LRRC75A: variants seen among roughly 807,000 people sequenced by gnomAD.
The protein encoded by LRRC75A is leucine-rich repeat-containing protein 75A.
LRRC75A carries 12 observed loss-of-function variants against 26.0 expected under a neutral mutation model. The ratio of observed to expected loss-of-function variants is 0.46; its 90% CI spans 0.30 to 0.75. The LOEUF is 0.75. Among genes scored for constraint, LRRC75A ranks in the 30% least tolerant of loss-of-function variants. LRRC75A has a pLI of 0.08. For missense variants in LRRC75A, 410 were observed against 486.6 expected, an observed-to-expected ratio of 0.84 and a Z score of 1.48; for synonymous variants, 223 against 219.3, an observed-to-expected ratio of 1.02 and a Z score of -0.15.
intron 1 of LRRC75A, among the ~76,000 whole-genome samples, chr17:16,475,212 G>A (rs896457046): frequency 6.6e-6 from 1 of 152,148 alleles, no homozygotes; most frequent in Non-Finnish European, 1.5e-5. Context: ...CAGGGATGGG[G>A]CGCTCCAGAG....
At chr17:16,489,913 G>C (rs904344996) in intron 1 of LRRC75A, among the ~76,000 whole-genome samples, 6 of 141,698 alleles carry the variant, frequency 4.2e-5, no homozygotes, top group African/African-American at 1.5e-4. Flanking sequence ...GCGGGTACCA[G>C]GACACCAATA....
At chr17:16,485,669 T>TGTGTG (rs1555893680) in intron 1 of LRRC75A, among the ~76,000 whole-genome samples, 12 of 114,214 alleles carry the variant, frequency 1.1e-4, no homozygotes, top group African/African-American at 3.5e-4. Flanking sequence ...TGTGTGTGTG[T>TGTGTG]TCGTGTGTGT....
intron 1 of LRRC75A, among the ~76,000 whole-genome samples, chr17:16,485,669 TTC>T (rs140325900): frequency 0.32 from 34,156 of 108,402 alleles, 4,207 homozygotes; most frequent in African/African-American, 0.4. Context: ...TGTGTGTGTG[TTC>T]GTGTGTGTGT....
At chr17:16,473,388 T>C (rs747595938) in intron 1 of LRRC75A, among the ~76,000 whole-genome samples, 31 of 152,034 alleles carry the variant, frequency 2.0e-4, no homozygotes, top group Admixed American at 1.2e-3. Flanking sequence ...GAACCCTGTT[T>C]GAAGGTGAGG....
intron 3 of LRRC75A, among the ~76,000 whole-genome samples, chr17:16,446,078 TTTTTA>T (rs2093582554): frequency 1.3e-5 from 2 of 152,234 alleles, no homozygotes; most frequent in Admixed American, 1.3e-4. Context: ...CCAGCTAATT[TTTTTA>T]TTTTTAGTAG....
At position 16,487,009 on chromosome 17, in the gene LRRC75A, A is replaced by AGTG. The variant is rs200482577; in HGVS notation, c.246+4733_246+4735dup. 2.9e-3 allele frequency among the ~76,000 whole-genome samples: 438 copies of AGTG among 152,306 alleles called. 6 individuals are homozygous for AGTG. The highest frequency in any genetic ancestry group is 9.9e-3 in the African/African-American group (413 of 41,568). ...TTTTCAATACCATACAGTGGATAAC[A>AGTG]GTGGTGGTGGTGGGTCTCCGCCCTC... On this transcript the variant is annotated intron_variant, in intron 1 of 3. Transcript: ENST00000470794.
At chr17:16,475,384 G>A (rs961001723) in intron 1 of LRRC75A, among the ~76,000 whole-genome samples, 4 of 152,148 alleles carry the variant, frequency 2.6e-5, no homozygotes, top group Admixed American at 6.5e-5. Flanking sequence ...GGGGGCTGGC[G>A]AGTCTGAAAT....
At position 16,491,870 on chromosome 17, in the gene LRRC75A, C is replaced by G; in HGVS notation, c.121G>C (p.Ala41Pro). Residue 41 changes from alanine (A) to proline (P), a missense_variant, in exon 1 of 4, where the codon GCG becomes CCG. Ala to Pro is a conservative substitution (Grantham distance 27). Transcript: ENST00000470794. This position sits in a 1 kb window ranked among gnomAD's most constrained non-coding sequence, Gnocchi z 5.9. ...ASLLLRAGDK[A>P]GRAGAGMPPY... ...GGCATCCCCGCGCCCGCGCGCCCCG[C>G]CTTGTCCCCGGCGCGCAGCAGCAGC... The G allele has an allele frequency of 7.2e-7, 1 of 1,380,010 alleles. No individual in the cohort carries two copies. The highest frequency in any genetic ancestry group is 9.4e-7 in the Non-Finnish European group (1 of 1,062,444). 85.5% of individuals were successfully genotyped at this position (1,380,010 alleles called of 1,614,324 possible).
chr17:16,446,205 AG>A (rs1174902325), intron 3 of LRRC75A, among the ~76,000 whole-genome samples: 5 of 152,164 alleles, frequency 3.3e-5, no homozygotes, highest in Non-Finnish European at 7.4e-5. Context: ...CACCGTGCCC[AG>A]CCCATTTGTT....
intron 2 of LRRC75A, among the ~76,000 whole-genome samples, chr17:16,454,969 C>T (rs933678993): frequency 5.9e-5 from 9 of 151,320 alleles, no homozygotes; most frequent in Non-Finnish European, 1.0e-4. Context: ...GCTCTGTCCC[C>T]GCCCTCAGGC....
At chr17:16,476,367 C>CA (rs1175089924) in intron 1 of LRRC75A, among the ~76,000 whole-genome samples, 8 of 144,604 alleles carry the variant, frequency 5.5e-5, no homozygotes, top group Non-Finnish European at 9.1e-5. Flanking sequence ...GACTCTGTCT[C>CA]AAAAAAAAAA....
Position 16,491,885 on chromosome 17 carries a change from G to T in LRRC75A, c.106C>A (p.Arg36Ser), listed in dbSNP as rs992688926. 12 of 1,341,542 alleles carry T rather than the reference G, an allele frequency of 8.9e-6. No individual in the cohort carries two copies. The highest frequency in any genetic ancestry group is 6.5e-5 in the Admixed American group (2 of 30,702). The allele number at this position is 1,341,542 out of a possible 1,614,324, so 83.1% of individuals were successfully genotyped here. ...RPDFWASLLL[R>S]AGDKAGRAGA... ...GCGCGCCCCGCCTTGTCCCCGGCGC[G>T]CAGCAGCAGCGACGCCCAGAAGTCC... The change falls in exon 1 of 4, where the codon CGC (arginine) becomes AGC (serine). Residue 36 changes from arginine (R) to serine (S), a missense_variant. Coordinates refer to ENST00000470794, the MANE Select transcript of LRRC75A (RefSeq NM_001113567.3). The surrounding 1 kb of genome is among the most constrained non-coding windows in gnomAD (Gnocchi z 5.9).
chr17:16,459,151 C>G (rs2093708274), intron 2 of LRRC75A, among the ~76,000 whole-genome samples: 1 of 152,212 alleles, frequency 6.6e-6, no homozygotes, highest in African/African-American at 2.4e-5. Flanking sequence ...CTGCCTGGTG[C>G]AGGTTGGAAT....
intron 2 of LRRC75A, among the ~76,000 whole-genome samples, chr17:16,449,497 C>T (rs771463729): frequency 6.6e-6 from 1 of 152,176 alleles, no homozygotes; most frequent in Non-Finnish European, 1.5e-5. Context: ...CCACAGCAAG[C>T]TCTCCAGGCA....
Position 16,447,903 on chromosome 17 carries a change from T to C in LRRC75A, c.433A>G (p.Ser145Gly). Residue 145 changes from serine to glycine, a missense_variant, in exon 3 of 4, where the codon AGC (serine) becomes GGC (glycine). Physicochemically the swap from Ser to Gly is moderately conservative, Grantham distance 56. Coordinates refer to ENST00000470794, the MANE Select transcript of LRRC75A (RefSeq NM_001113567.3). ...KLCRQLTYHL[S>G]PHSQWRRHRG... Reference sequence around the variant, plus strand: ...TGCCGCCTCCACTGGGAGTGGGGGCTGAGGTGGTATGTCAGCTGCCGGCAC... The same window carrying C: ...TGCCGCCTCCACTGGGAGTGGGGGCCGAGGTGGTATGTCAGCTGCCGGCAC... The C allele has an allele frequency of 6.4e-7, 1 of 1,550,676 alleles. No individual in the cohort carries two copies. The highest frequency in any genetic ancestry group is 8.7e-7 in the Non-Finnish European group (1 of 1,146,872).
chr17:16,462,214 C>A lies in LRRC75A; in HGVS notation c.375+44G>T. 1.2e-6 allele frequency: 2 copies of A among 1,610,634 alleles called. No individual in the cohort carries two copies. Among genetic ancestry groups the A allele is most frequent in the Non-Finnish European group, 1.7e-6 (2 of 1,178,134 alleles). On this transcript the variant is annotated intron_variant, in intron 2 of 3. Transcript: ENST00000470794. This position sits in a 1 kb window ranked among gnomAD's most constrained non-coding sequence, Gnocchi z 4.6. ...CTGCTCTGCCCAGAAAGGCACCCAC[C>A]GCACACCCCGGGACCTGGCTGGCTC...
At chr17:16,487,695 A>G (rs994790467) in intron 1 of LRRC75A, among the ~76,000 whole-genome samples, 1 of 152,184 alleles carries the variant, frequency 6.6e-6, no homozygotes, top group African/African-American at 2.4e-5. Context: ...TCAGCCTCCT[A>G]AAGTACTGGG....
chr17:16,446,509 CTG>C lies in LRRC75A; in HGVS notation c.491+1334_491+1335del, dbSNP rs553314808. ...TGAGGCTGGAAAGGGACTGGTGTGT[CTG>C]TGAACCAGCAGGAAGGCCAGTGTGG... On this transcript the variant is annotated intron_variant, in intron 3 of 3. Transcript: ENST00000470794. Among the ~76,000 whole-genome samples, 28 of 152,278 alleles carry C rather than the reference CTG, an allele frequency of 1.8e-4. No individual in the cohort carries two copies. The East Asian group carries it at 3.7e-3, about 20-fold the overall frequency.
At chr17:16,485,669 T>TGTGTGTGTGTGTGTGTGTGTG (rs1555893680) in intron 1 of LRRC75A, among the ~76,000 whole-genome samples, 13 of 114,232 alleles carry the variant, frequency 1.1e-4, no homozygotes, top group African/African-American at 3.1e-4. Context: ...TGTGTGTGTG[T>TGTGTGTGTGTGTGTGTGTGTG]TCGTGTGTGT....
Sources: gnomAD v4.1 joint callset for allele counts (sites outside exome capture counted in the v4.1 genomes callset) on GRCh38, gnomAD v4.1.1 for gene constraint, Gnocchi (gnomAD v3.1) non-coding constraint, MANE v1.5 for transcripts, NCBI Gene and HGNC (gene_info 2026-07-23, HGNC 2026-07-21) for gene names.